MPND: variants seen among roughly 807,000 people sequenced by gnomAD.
MPND encodes MPN domain-containing protein.
In MPND, 56 loss-of-function variants were observed where a neutral mutation model predicts 59.2. The observed-to-expected ratio is 0.95, with a 90% CI of 0.76 to 1.18. The LOEUF (loss-of-function observed/expected upper bound fraction) is 1.18. Among genes scored for constraint, MPND ranks in the 50% most tolerant of loss-of-function variants. The pLI, the probability that MPND is intolerant of heterozygous loss-of-function variation, is 0.00. For missense variants in MPND, 671 were observed against 676.0 expected (o/e 0.99, Z 0.08); for synonymous variants, 323 against 291.9 (o/e 1.11, Z -1.09).
intron 8 of MPND, chr19:4,357,015 ATGACTTTGGTGTCC>A (rs1159158765): frequency 2.4e-6 from 1 of 414,702 alleles, no homozygotes; most frequent in Non-Finnish European, 4.2e-6. Flanking sequence ...AGTGAACAAA[ATGACTTTGGTGTCC>A]TGGCTTTGTG....
chr19:4,356,197 G>A (rs1261308039), intron 8 of MPND, among the ~76,000 whole-genome samples: 2 of 151,926 alleles, frequency 1.3e-5, no homozygotes, highest in African/African-American at 4.8e-5. Context: ...CTGAAACCTC[G>A]CCAGCCCCCT....
intron 8 of MPND, 125 bp downstream of exon 8, chr19:4,355,298 T>C: frequency 1.1e-6 from 1 of 908,380 alleles, no homozygotes. Flanking sequence ...TGCCCGTCTG[T>C]GTGCTTGGGA....
In MPND at chr19:4,343,804, CG is replaced by C; in HGVS notation, c.107del (p.Gly36GlufsTer100). 2 of 1,203,032 alleles carry C rather than the reference CG, an allele frequency of 1.7e-6. No individual in the cohort carries two copies. Among genetic ancestry groups the C allele is most frequent in the South Asian group, 8.3e-5 (2 of 24,164 alleles). The allele number at this position is 1,203,032 out of a possible 1,614,324, so 74.5% of individuals were successfully genotyped here. A position where few individuals can be genotyped will look rare whatever the true frequency, so the allele number is the denominator to read the frequency against. The part of the protein sequence containing the change: ...AEAEDPERPN[A>X]GAGGGRSGGG... ...GCCGAGGACCCTGAGCGGCCGAATG[CG>C]GGAGCGGGCGGTGGACGCAGTGGCG... On this transcript the variant is annotated frameshift_variant, in exon 2 of 13. Transcript: ENST00000599840. LOFTEE classifies it high-confidence loss of function.
rs765269398 is a variant in MPND at position 4,359,106 on chromosome 19, G to A, written c.1327-57G>A. The A allele has an allele frequency of 2.0e-4, 241 of 1,221,792 alleles. 1 individual carries two copies. Among genetic ancestry groups the A allele is most frequent in the Non-Finnish European group, 4.1e-5 (34 of 828,616 alleles). 75.7% of individuals were successfully genotyped at this position (1,221,792 alleles called of 1,614,324 possible). On this transcript the variant is annotated intron_variant, in intron 11 of 12. Coordinates refer to ENST00000599840, the MANE Select transcript of MPND (RefSeq NM_001300862.2). ...CTGAGACTGGAACCCCAGGAGAGGC[G>A]CTGAGGTACCTCAGGCTTGGAGGGA...
Position 4,357,371 on chromosome 19 carries a change from G to C in MPND, c.1115G>C (p.Arg372Pro). Residue 372 changes from arginine to proline, a missense_variant, in exon 9 of 13, where the codon CGG becomes CCG. Physicochemically the swap from Arg to Pro is moderately radical, Grantham distance 103. Coordinates refer to ENST00000599840, the MANE Select transcript of MPND (RefSeq NM_001300862.2). ...DIDAQMDYQLRLQGSSNGFQP... is the reference protein window; with the variant it reads ...DIDAQMDYQLPLQGSSNGFQP... ...GACGCACAGATGGACTACCAGCTGCGGCTGCAGGGCTCCAGCAATGGCTTC... is the reference window on the plus strand; with the variant it reads ...GACGCACAGATGGACTACCAGCTGCCGCTGCAGGGCTCCAGCAATGGCTTC... 6.2e-7 allele frequency: 1 copy of C among 1,613,006 alleles called. No homozygotes were observed. The highest frequency in any genetic ancestry group is 1.1e-5 in the South Asian group (1 of 91,064).
intron 4 of MPND, among the ~76,000 whole-genome samples, chr19:4,353,650 C>T (rs903154055): frequency 2.0e-5 from 3 of 152,136 alleles, no homozygotes; most frequent in African/African-American, 7.2e-5. Flanking sequence ...CAGCCTCAAC[C>T]TCCTGGGTTC....
chr19:4,357,578 C>T lies in MPND; in HGVS notation c.1229C>T (p.Pro410Leu), dbSNP rs765438645. The T allele has an allele frequency of 3.1e-6, 5 of 1,611,982 alleles. No homozygotes were observed. The highest frequency in any genetic ancestry group is 2.7e-5 in the African/African-American group (2 of 74,924). The change falls in exon 10 of 13, where the codon CCT becomes CTT. Residue 410 changes from proline to leucine, a missense_variant. Transcript: ENST00000599840. ...SKISPFWVMP[P>L]PEQRPSDYGI... The stretch of plus-strand genomic sequence containing the variant: ...ATCTCACCTTTCTGGGTGATGCCTC[C>T]TCCCGAGGTAGGTGGGGCTGTTGGG...
Position 4,357,540 on chromosome 19 carries a change from C to A in MPND, c.1191C>A (p.Gly397=). The A allele has an allele frequency of 6.2e-7, 1 of 1,613,746 alleles. No individual in the cohort carries two copies. Among genetic ancestry groups the A allele is most frequent in the Non-Finnish European group, 8.5e-7 (1 of 1,179,854 alleles). ...CCCCTTACTATTCTGGCAACCCAGG[C>A]CCCGAGTCCAAGATCTCACCTTTCT... is the stretch of plus-strand genomic sequence containing the variant. ...LCSPYYSGNP[G]PESKISPFWV... The change falls in exon 10 of 13, where the codon GGC becomes GGA. Residue 397 remains glycine (G), a synonymous_variant. Coordinates refer to ENST00000599840, the MANE Select transcript of MPND (RefSeq NM_001300862.2).
chr19:4,356,035 G>C (rs1568399924), intron 8 of MPND, among the ~76,000 whole-genome samples: 1 of 150,908 alleles, frequency 6.6e-6, no homozygotes, highest in Admixed American at 6.6e-5. Flanking sequence ...TGTATTTTTA[G>C]TTGAGACAGG....
In MPND at chr19:4,343,933, G is replaced by T. The variant is rs1377644639; in HGVS notation, c.233G>T (p.Arg78Leu). ...GALTRRAVTL[R>L]VLLKDALLEP... ...CTCACCAGGCGCGCGGTCACACTGC[G>T]GGTGCTCCTCAAAGACGCGCTGCTG... Residue 78 changes from arginine to leucine, a missense_variant, in exon 2 of 13, where the codon CGG becomes CTG. Transcript: ENST00000599840. The T allele has an allele frequency of 3.7e-6, 5 of 1,368,786 alleles. No individual in the cohort carries two copies. The highest frequency in any genetic ancestry group is 4.7e-6 in the Non-Finnish European group (5 of 1,058,602). The allele number at this position is 1,368,786 out of a possible 1,614,324, so 84.8% of individuals were successfully genotyped here. A position where few individuals can be genotyped will look rare whatever the true frequency, so the allele number is the denominator to read the frequency against.
In MPND at chr19:4,353,755, A is replaced by C. The variant is rs1972371279; in HGVS notation, c.665-290A>C. On this transcript the variant is annotated intron_variant, in intron 4 of 12. Transcript: ENST00000599840. The stretch of plus-strand genomic sequence containing the variant: ...TTTTGTATTTTTTTTCAGAGACGAG[A>C]TCTCATCATCTTGCCCAGGCTGGTC... 4 of 330,586 alleles carry C rather than the reference A, an allele frequency of 1.2e-5. No homozygotes were observed. In the South Asian group the frequency reaches 1.5e-4, roughly 12 times the overall value. 20.5% of individuals were successfully genotyped at this position (330,586 alleles called of 1,614,324 possible). A position where few individuals can be genotyped will look rare whatever the true frequency, so the allele number is the denominator to read the frequency against.
intron 2 of MPND, among the ~76,000 whole-genome samples, chr19:4,344,821 C>G (rs1357044296): frequency 2.0e-5 from 3 of 150,500 alleles, no homozygotes; most frequent in Non-Finnish European, 3.0e-5. Flanking sequence ...TCACTGCAAC[C>G]TCTGCCTCCC....
intron 10 of MPND, 156 bp from the exon 11 acceptor site, chr19:4,357,927 C>G (rs914330593): frequency 1.5e-6 from 1 of 648,756 alleles, no homozygotes; most frequent in African/African-American, 1.8e-5. Context: ...GGATGCTACA[C>G]TGCCTCCCTG....
intron 12 of MPND, among the ~76,000 whole-genome samples, 156 bp downstream of exon 12, chr19:4,359,411 C>A: frequency 6.6e-6 from 1 of 152,154 alleles, no homozygotes; most frequent in East Asian, 1.9e-4. Flanking sequence ...GCCACCCCAG[C>A]AGGGTGCAGG....
intron 8 of MPND, chr19:4,356,693 T>A (rs1264690254): frequency 2.0e-5 from 3 of 152,118 alleles, no homozygotes; most frequent in Non-Finnish European, 4.4e-5. Context: ...CAGGCTGGAC[T>A]GCAGTGGCAT....
chr19:4,354,082 C>T lies in MPND; in HGVS notation c.702C>T (p.Ile234=). 6.2e-7 allele frequency: 1 copy of T among 1,613,448 alleles called. No homozygotes were observed. The highest frequency in any genetic ancestry group is 8.5e-7 in the Non-Finnish European group (1 of 1,179,448). The change falls in exon 5 of 13, where the codon ATC becomes ATT. Residue 234 remains isoleucine, a synonymous_variant. Coordinates refer to ENST00000599840, the MANE Select transcript of MPND (RefSeq NM_001300862.2). ...TTPGKRVDSK[I]RVPVRYCMLG... is the part of the protein sequence containing the mutation. Reference sequence around the variant, plus strand: ...CAGGGAAGCGGGTGGACAGCAAGATCCGGGTTCCGGTCCGCTACTGCATGC... The same window carrying T: ...CAGGGAAGCGGGTGGACAGCAAGATTCGGGTTCCGGTCCGCTACTGCATGC...
At chr19:4,357,198 G>A in intron 8 of MPND, 55 bp from the exon 9 acceptor site, 1 of 1,510,144 alleles carries the variant, frequency 6.6e-7, no homozygotes, top group Non-Finnish European at 8.9e-7. Flanking sequence ...AGCCACATAA[G>A]CTCACTAGAG....
chr19:4,359,291 C>A (rs1471875911), intron 12 of MPND, 36 bp downstream of exon 12: 2 of 1,546,042 alleles, frequency 1.3e-6, no homozygotes, highest in African/African-American at 1.4e-5. Flanking sequence ...CCTAACGGGG[C>A]CCCAGGAGAG....
Position 4,360,074 on chromosome 19 carries a change from C to A in MPND, c.*72C>A. ...GGCTCAGGTAATAAAGAAACGGAAG[C>A]AGCAGCCAGCCACGCTGGTCTCCCC... On this transcript the variant is annotated 3_prime_UTR_variant, in exon 13 of 13. Coordinates refer to ENST00000599840, the MANE Select transcript of MPND (RefSeq NM_001300862.2). 1 of 1,365,366 alleles carries A rather than the reference C, an allele frequency of 7.3e-7. No individual in the cohort carries two copies. The highest frequency in any genetic ancestry group is 1.0e-6 in the Non-Finnish European group (1 of 987,076). The allele number at this position is 1,365,366 out of a possible 1,614,324, so 84.6% of individuals were successfully genotyped here. A position where few individuals can be genotyped will look rare whatever the true frequency, so the allele number is the denominator to read the frequency against.
Sources: allele counts gnomAD v4.1 joint callset (sites outside exome capture counted in the v4.1 genomes callset), GRCh38; gene constraint gnomAD v4.1.1; transcripts MANE v1.5; gene names NCBI Gene and HGNC (gene_info 2026-07-23, HGNC 2026-07-21).